TYW1B: variants seen among roughly 807,000 people sequenced by gnomAD.
TYW1B encodes the protein S-adenosyl-L-methionine-dependent tRNA 4-demethylwyosine synthase TYW1B.
A neutral mutation model predicts 86.9 loss-of-function variants in TYW1B; 73 were observed. That is an observed-to-expected ratio of 0.84 (90% confidence interval 0.70 to 1.02). The LOEUF is 1.02. Among genes scored for constraint, TYW1B ranks in the 50% least tolerant of loss-of-function variants. The probability of loss-of-function intolerance (pLI) is 0.00; values close to 1 mark genes in which losing one functional copy is unlikely to be tolerated. For synonymous variants in TYW1B, 248 were observed against 292.8 expected (o/e 0.85, Z 1.56); for missense variants, 637 against 827.4 (o/e 0.77, Z 2.82).
chr7:72,635,438 G>C (rs1417917000), intron 11 of TYW1B, among the ~76,000 whole-genome samples: 2 of 152,112 alleles, frequency 1.3e-5, no homozygotes, highest in African/African-American at 4.8e-5. Flanking sequence ...TTCACAAATG[G>C]GGGCTGCTAC....
chr7:72,772,541 G>C (rs1237868622), intron 7 of TYW1B, among the ~76,000 whole-genome samples: 1 of 152,058 alleles, frequency 6.6e-6, no homozygotes, highest in African/African-American at 2.4e-5. Flanking sequence ...TGAATTCTCA[G>C]TAGCACTATA....
chr7:72,737,882 C>A (rs2129571220), intron 8 of TYW1B, among the ~76,000 whole-genome samples: 1 of 148,878 alleles, frequency 6.7e-6, no homozygotes, highest in East Asian at 2.0e-4. Flanking sequence ...TCACACCATT[C>A]TCCTGCCTCA....
intron 4 of TYW1B, 82 bp from the exon 5 acceptor site, chr7:72,807,438 C>A: frequency 3.3e-6 from 5 of 1,523,804 alleles, no homozygotes; most frequent in Non-Finnish European, 4.4e-6. Flanking sequence ...GCCCAAAGTC[C>A]TTCTGGGGCC....
rs145935571 is a variant in TYW1B at position 72,733,159 on chromosome 7, AACACAC to A, written c.1083-4234_1083-4229del. Reference sequence around the variant, plus strand: ...CCCTGGTAAATTCCACCAAACCTAAAACACACACACACACACACACACACACACACA... The same window carrying A: ...CCCTGGTAAATTCCACCAAACCTAAAACACACACACACACACACACACACA... On this transcript the variant is annotated intron_variant, in intron 8 of 13. Transcript: ENST00000620995. Among the ~76,000 whole-genome samples, 38 of 147,110 alleles carry A rather than the reference AACACAC, an allele frequency of 2.6e-4. 1 individual carries two copies. The highest frequency in any genetic ancestry group is 8.8e-4 in the African/African-American group (35 of 39,908).
intron 6 of TYW1B, among the ~76,000 whole-genome samples, chr7:72,793,717 T>C (rs1472599514): frequency 1.4e-5 from 2 of 146,088 alleles, no homozygotes; most frequent in Admixed American, 7.0e-5. Flanking sequence ...ATCACACCAC[T>C]GCACTCCAGC....
At chr7:72,704,513 C>T (rs1206668301) in intron 10 of TYW1B, among the ~76,000 whole-genome samples, 1 of 150,582 alleles carries the variant, frequency 6.6e-6, no homozygotes, top group African/African-American at 2.4e-5. Context: ...CTTTGGGAGG[C>T]CAGGGTGGGA....
intron 2 of TYW1B, among the ~76,000 whole-genome samples, chr7:72,821,158 C>G (rs1308992600): frequency 6.6e-6 from 1 of 152,020 alleles, no homozygotes; most frequent in Non-Finnish European, 1.5e-5. Flanking sequence ...TTTTTTAGTA[C>G]AAATGGGGTT....
chr7:72,582,012 A>G (rs1333433468), intron 13 of TYW1B, among the ~76,000 whole-genome samples: 1 of 151,666 alleles, frequency 6.6e-6, no homozygotes, highest in Non-Finnish European at 1.5e-5. Flanking sequence ...CAGGTGATTC[A>G]CCTGCCTAGG....
At chr7:72,807,591 C>A (rs1303205130) in intron 4 of TYW1B, among the ~76,000 whole-genome samples, 8 of 151,972 alleles carry the variant, frequency 5.3e-5, no homozygotes, top group Non-Finnish European at 1.5e-5. Flanking sequence ...AACAAAAGGA[C>A]AAACAAACCC....
rs1446915404 is a variant in TYW1B, at chr7:72,758,454, TTTTTTCTCTTAGAAAAAAA to T, written c.965-13872_965-13854del. 4.6e-5 allele frequency among the ~76,000 whole-genome samples: 7 copies of T among 151,776 alleles called. No individual in the cohort carries two copies. In the South Asian group the frequency reaches 8.3e-4, roughly 18 times the overall value. ...CATTTTTTTCTCTTAGAAAAAACAT[TTTTTTCTCTTAGAAAAAAA>T]TTTTTCTCTCTCTGTTTGTTATCTG... On this transcript the variant is annotated intron_variant, in intron 7 of 13. Coordinates refer to ENST00000620995, the MANE Select transcript of TYW1B (RefSeq NM_001145440.3).
At chr7:72,738,088 C>CT (rs60979976) in intron 8 of TYW1B, among the ~76,000 whole-genome samples, 88,903 of 127,846 alleles carry the variant, frequency 0.7, 31,439 homozygotes, top group Non-Finnish European at 0.77. Flanking sequence ...TTCTTTCTTT[C>CT]TTTTTTTTTT....
chr7:72,783,544 CCCA>C (rs1471577753), intron 6 of TYW1B, among the ~76,000 whole-genome samples: 1 of 151,562 alleles, frequency 6.6e-6, no homozygotes, highest in Non-Finnish European at 1.5e-5. Flanking sequence ...GCAATTTAAC[CCCA>C]CATTTAGATT....
chr7:72,785,036 A>G (rs1224770305), intron 6 of TYW1B, among the ~76,000 whole-genome samples: 3 of 151,776 alleles, frequency 2.0e-5, no homozygotes, highest in Admixed American at 2.0e-4. Flanking sequence ...GGGTTCCCCA[A>G]ACATGCCACC....
chr7:72,637,736 T>C (rs1812706936), intron 11 of TYW1B, among the ~76,000 whole-genome samples: 2 of 151,992 alleles, frequency 1.3e-5, no homozygotes, highest in South Asian at 2.1e-4. Context: ...CTTCTTAATA[T>C]ATGCATTTAG....
chr7:72,603,091 A>AC (rs1811707335), intron 13 of TYW1B, among the ~76,000 whole-genome samples: 1 of 142,838 alleles, frequency 7.0e-6, no homozygotes, highest in Non-Finnish European at 1.5e-5. Flanking sequence ...AGACAGACAG[A>AC]TGATGGATGG....
At chr7:72,587,968 T>G (rs1412606078) in intron 13 of TYW1B, among the ~76,000 whole-genome samples, 3 of 152,212 alleles carry the variant, frequency 2.0e-5, no homozygotes, top group Non-Finnish European at 2.9e-5. Context: ...GTGGTATCTT[T>G]TGAACTTCCC....
chr7:72,726,140 A>G (rs1419197497), intron 9 of TYW1B, among the ~76,000 whole-genome samples: 1 of 152,204 alleles, frequency 6.6e-6, no homozygotes, highest in Admixed American at 6.5e-5. Context: ...AACACTGGTA[A>G]GAGACACTGC....
At chr7:72,633,881 T>C (rs1812603184) in intron 11 of TYW1B, among the ~76,000 whole-genome samples, 1 of 152,148 alleles carries the variant, frequency 6.6e-6, no homozygotes, top group Admixed American at 6.6e-5. Flanking sequence ...CACCAGAGTT[T>C]AGTTTTGCCT....
chr7:72,658,867 T>C (rs1813266483), intron 11 of TYW1B, among the ~76,000 whole-genome samples: 1 of 152,050 alleles, frequency 6.6e-6, no homozygotes, highest in African/African-American at 2.4e-5. Flanking sequence ...ATTATAGACG[T>C]GCACCACAAC....
Sources: allele counts gnomAD v4.1 joint callset (sites outside exome capture counted in the v4.1 genomes callset), GRCh38; gene constraint gnomAD v4.1.1; transcripts MANE v1.5; gene names NCBI Gene and HGNC (gene_info 2026-07-23, HGNC 2026-07-21).